Variants in DPP10 observed in about 807,000 individuals in gnomAD.
DPP10 encodes the protein inactive dipeptidyl peptidase 10.
DPP10 carries 33 observed loss-of-function variants against 120.9 expected under a neutral mutation model. The observed-to-expected ratio is 0.27, with a 90% CI of 0.21 to 0.37. The LOEUF is 0.37. Ranked by LOEUF, DPP10 falls within the 10% of genes least tolerant of loss-of-function variation. The probability of loss-of-function intolerance (pLI) is 1.00; values close to 1 mark genes in which losing one functional copy is unlikely to be tolerated. For missense variants in DPP10, 816 were observed against 942.8 expected (o/e 0.87, Z 1.76); for synonymous variants, 337 against 326.1 (o/e 1.03, Z -0.36).
At chr2:115,688,630 C>G (rs375861669) in intron 5 of DPP10, among the ~76,000 whole-genome samples, 43 of 152,180 alleles carry the variant, frequency 2.8e-4, no homozygotes, top group African/African-American at 9.1e-4. Flanking sequence ...CAGAAATATA[C>G]TCATCATCTC....
At chr2:115,280,419 G>A (rs1268148954) in intron 1 of DPP10, among the ~76,000 whole-genome samples, 3 of 152,108 alleles carry the variant, frequency 2.0e-5, no homozygotes, top group Non-Finnish European at 4.4e-5. Context: ...GCTGCACTCC[G>A]GAATTATAAG....
At chr2:115,208,319 C>T (rs2056296712) in intron 1 of DPP10, among the ~76,000 whole-genome samples, 1 of 151,726 alleles carries the variant, frequency 6.6e-6, no homozygotes, top group Non-Finnish European at 1.5e-5. Flanking sequence ...CCTGCCTCAG[C>T]CTCCCAAGTA....
chr2:114,497,068 CACATAT>C (rs1280430406), intron 1 of DPP10, among the ~76,000 whole-genome samples: 6 of 149,256 alleles, frequency 4.0e-5, no homozygotes, highest in Non-Finnish European at 6.0e-5. Flanking sequence ...TATATACATA[CACATAT>C]ACATATACAT....
intron 1 of DPP10, among the ~76,000 whole-genome samples, chr2:114,715,127 G>A (rs995580497): frequency 6.6e-6 from 1 of 152,126 alleles, no homozygotes. Flanking sequence ...TCTGTTATCT[G>A]TGAGCAGGAA....
intron 1 of DPP10, chr2:115,130,899 A>C (rs961186427): frequency 1.1e-4 from 17 of 152,242 alleles, no homozygotes; most frequent in African/African-American, 3.9e-4. Context: ...TCACATAGTT[A>C]CCAACTTAAT....
At chr2:115,816,838 A>G (rs1483752691) in intron 21 of DPP10, among the ~76,000 whole-genome samples, 1 of 149,604 alleles carries the variant, frequency 6.7e-6, no homozygotes, top group Non-Finnish European at 1.5e-5. Flanking sequence ...GATGGTCTCG[A>G]TCTCTTGACC....
At chr2:114,921,095 G>A (rs1574488777) in intron 1 of DPP10, among the ~76,000 whole-genome samples, 1 of 152,052 alleles carries the variant, frequency 6.6e-6, no homozygotes, top group African/African-American at 2.4e-5. Context: ...CTTCACCCAC[G>A]CTAAATCTTA....
chr2:114,484,743 A>G (rs11123243), intron 1 of DPP10, among the ~76,000 whole-genome samples: 7,975 of 152,174 alleles, frequency 0.052, 670 homozygotes, highest in African/African-American at 0.18. Flanking sequence ...AGTGTTCATT[A>G]GACTTTGAAA....
intron 1 of DPP10, among the ~76,000 whole-genome samples, chr2:114,599,263 G>A (rs1353187276): frequency 6.6e-6 from 1 of 151,886 alleles, no homozygotes; most frequent in Non-Finnish European, 1.5e-5. Context: ...GCAATGAAAT[G>A]TGCAGATATT....
At chr2:114,995,647 G>T (rs1192757209) in intron 1 of DPP10, among the ~76,000 whole-genome samples, 1 of 152,034 alleles carries the variant, frequency 6.6e-6, no homozygotes, top group East Asian at 1.9e-4. Flanking sequence ...GTAATTTTCT[G>T]CACTTTTCTA....
intron 1 of DPP10, among the ~76,000 whole-genome samples, chr2:114,894,853 G>T (rs1692834638): frequency 6.6e-6 from 1 of 151,720 alleles, no homozygotes; most frequent in Non-Finnish European, 1.5e-5. Context: ...AATTGATTAA[G>T]GAATAATATA....
intron 1 of DPP10, among the ~76,000 whole-genome samples, chr2:114,838,546 C>A (rs1284119438): frequency 6.6e-6 from 1 of 152,112 alleles, no homozygotes; most frequent in African/African-American, 2.4e-5. Flanking sequence ...AACTTCTGAC[C>A]TCGGTCTCCC....
At chr2:115,638,586 C>T (rs2086538625) in intron 5 of DPP10, among the ~76,000 whole-genome samples, 2 of 152,146 alleles carry the variant, frequency 1.3e-5, no homozygotes, top group East Asian at 3.8e-4. Context: ...ATAGAAATGC[C>T]TGGAGGATTC....
chr2:114,971,028 T>C (rs1699355149), intron 1 of DPP10, among the ~76,000 whole-genome samples: 1 of 152,192 alleles, frequency 6.6e-6, no homozygotes, highest in South Asian at 2.1e-4. Context: ...ATACATTTTG[T>C]AACATGTGTT....
intron 1 of DPP10, among the ~76,000 whole-genome samples, chr2:114,610,932 CT>C (rs1252656679): frequency 5.3e-5 from 8 of 152,004 alleles, no homozygotes; most frequent in Non-Finnish European, 8.8e-5. Flanking sequence ...CGCACCCAGG[CT>C]GTGTTTTAGC....
chr2:114,834,425 T>TATATAAGCCATATCTACACACCTATGTAC lies in DPP10; in HGVS notation c.60+391592_60+391620dup, dbSNP rs1687452513. Among the ~76,000 whole-genome samples, 6 of 145,898 alleles carry TATATAAGCCATATCTACACACCTATGTAC rather than the reference T, an allele frequency of 4.1e-5. 3 individuals carry two copies. Among genetic ancestry groups the TATATAAGCCATATCTACACACCTATGTAC allele is most frequent in the African/African-American group, 1.5e-4 (6 of 39,478 alleles). On this transcript the variant is annotated intron_variant, in intron 1 of 25. Transcript: ENST00000410059. ...TAAGCCATATCTACACACCTATGTA[T>TATATAAGCCATATCTACACACCTATGTAC]ATATAAGCCATATCTACACACCTAT...
intron 1 of DPP10, among the ~76,000 whole-genome samples, chr2:114,715,908 G>A (rs1574029369): frequency 6.6e-6 from 1 of 151,800 alleles, no homozygotes; most frequent in African/African-American, 2.4e-5. Context: ...AAATATGAGC[G>A]AGTGAGCAAA....
intron 1 of DPP10, among the ~76,000 whole-genome samples, chr2:114,536,027 A>G (rs1322817875): frequency 2.0e-5 from 3 of 151,872 alleles, no homozygotes; most frequent in African/African-American, 7.3e-5. Context: ...ACATCCTTCA[A>G]AACCAGGTTG....
At chr2:114,523,126 G>A (rs779061849) in intron 1 of DPP10, among the ~76,000 whole-genome samples, 9 of 152,138 alleles carry the variant, frequency 5.9e-5, no homozygotes, top group Non-Finnish European at 1.3e-4. Flanking sequence ...GGATAAACAG[G>A]ATGGGGAGAC....
Sources: gnomAD v4.1 joint callset for allele counts (sites outside exome capture counted in the v4.1 genomes callset) on GRCh38, gnomAD v4.1.1 for gene constraint, MANE v1.5 for transcripts, NCBI Gene and HGNC (gene_info 2026-07-23, HGNC 2026-07-21) for gene names.